Variants in GFRAL observed in about 807,000 individuals in gnomAD.
The protein encoded by GFRAL is GDNF family receptor alpha like.
GFRAL carries 36 observed loss-of-function variants against 45.4 expected under a neutral mutation model. The observed-to-expected ratio is 0.79, with a 90% CI of 0.61 to 1.05. GFRAL has a LOEUF of 1.05. GFRAL is among the 50% of genes least tolerant of loss of function. GFRAL has a pLI of 0.00. For missense variants in GFRAL, 507 were observed against 467.5 expected, an observed-to-expected ratio of 1.08 and a Z score of -0.78; for synonymous variants, 166 against 154.1, an observed-to-expected ratio of 1.08 and a Z score of -0.57.
rs1768911812 is a variant in GFRAL, at chr6:55,402,347, GA to G, written c.*498del. 6.6e-6 allele frequency: 1 copy of G among 152,052 alleles called. No individual in the cohort carries two copies. The highest frequency in any genetic ancestry group is 2.4e-5 in the African/African-American group (1 of 41,388). The allele number at this position is 152,052 out of a possible 1,614,324, so 9.4% of individuals were successfully genotyped here. A position where few individuals can be genotyped will look rare whatever the true frequency, so the allele number is the denominator to read the frequency against. On this transcript the variant is annotated 3_prime_UTR_variant, in exon 9 of 9. Transcript: ENST00000340465. Reference sequence around the variant, plus strand: ...CCCTATTCCATCTGTCATCGAGAAAGAAAATGTTAAAATAGACTTAAAAATA... The same window carrying G: ...CCCTATTCCATCTGTCATCGAGAAAGAAATGTTAAAATAGACTTAAAAATA...
At chr6:55,399,663 C>T (rs6913781) in intron 8 of GFRAL, among the ~76,000 whole-genome samples, 103,389 of 151,950 alleles carry the variant, frequency 0.68, 35,626 homozygotes, top group East Asian at 0.78. Context: ...TGTTGCATTT[C>T]ATAAGCACAT....
At chr6:55,399,511 A>C (rs910404867) in intron 8 of GFRAL, 70 bp downstream of exon 8, 2 of 990,438 alleles carry the variant, frequency 2.0e-6, no homozygotes, top group Non-Finnish European at 3.2e-6. Flanking sequence ...CATGTTGCAC[A>C]ATGGCTGAGC....
At chr6:55,372,221 T>C (rs1344600510) in intron 6 of GFRAL, among the ~76,000 whole-genome samples, 1 of 152,172 alleles carries the variant, frequency 6.6e-6, no homozygotes, top group Non-Finnish European at 1.5e-5. Flanking sequence ...GGCTAATTAA[T>C]ATTTGTGTTT....
intron 5 of GFRAL, among the ~76,000 whole-genome samples, chr6:55,358,409 A>G (rs76176483): frequency 0.027 from 4,031 of 152,082 alleles, 88 homozygotes; most frequent in Admixed American, 0.044. Context: ...AACATATTGT[A>G]AATTCTAATT....
At chr6:55,351,672 T>C in intron 5 of GFRAL, 89 bp downstream of exon 5, 2 of 882,176 alleles carry the variant, frequency 2.3e-6, no homozygotes, top group South Asian at 3.6e-5. Flanking sequence ...TAACATTAGC[T>C]AGAGTTCCCA....
At chr6:55,359,472 A>G (rs1350373024) in intron 6 of GFRAL, among the ~76,000 whole-genome samples, 1 of 152,042 alleles carries the variant, frequency 6.6e-6, no homozygotes, top group African/African-American at 2.4e-5. Context: ...ATAAGTATCT[A>G]TACTAAGTAA....
chr6:55,388,317 C>G (rs1447758137), intron 6 of GFRAL, among the ~76,000 whole-genome samples: 1 of 152,140 alleles, frequency 6.6e-6, no homozygotes, highest in Non-Finnish European at 1.5e-5. Context: ...CGATCTGAAA[C>G]AAGAAAAGCC....
chr6:55,378,278 G>A (rs1237261139), intron 6 of GFRAL, among the ~76,000 whole-genome samples: 1 of 152,020 alleles, frequency 6.6e-6, no homozygotes, highest in Admixed American at 6.6e-5. Flanking sequence ...GGGGAAGGAA[G>A]GCAAATTCAT....
chr6:55,363,568 C>A (rs1768308910), intron 6 of GFRAL, among the ~76,000 whole-genome samples: 1 of 101,612 alleles, frequency 9.8e-6, no homozygotes, highest in Non-Finnish European at 2.0e-5. Flanking sequence ...GGTATATCTC[C>A]CGATGCTATC....
At chr6:55,375,383 C>T (rs1768509894) in intron 6 of GFRAL, among the ~76,000 whole-genome samples, 1 of 152,074 alleles carries the variant, frequency 6.6e-6, no homozygotes, top group Admixed American at 6.6e-5. Flanking sequence ...CTTTTTGTAG[C>T]AGTTGTAAAT....
chr6:55,398,888 T>C (rs1768860238), intron 6 of GFRAL, among the ~76,000 whole-genome samples: 1 of 152,188 alleles, frequency 6.6e-6, no homozygotes, highest in African/African-American at 2.4e-5. Context: ...AACCATCTTT[T>C]ATTTTTCTTG....
chr6:55,366,546 T>G (rs952521320), intron 6 of GFRAL, among the ~76,000 whole-genome samples: 8 of 144,060 alleles, frequency 5.6e-5, no homozygotes, highest in African/African-American at 2.2e-4. Flanking sequence ...GTGTCAGTTT[T>G]GGATCTTTCC....
At chr6:55,342,112 C>A (rs528105315) in intron 3 of GFRAL, among the ~76,000 whole-genome samples, 9 of 152,246 alleles carry the variant, frequency 5.9e-5, no homozygotes, top group African/African-American at 1.9e-4. Flanking sequence ...AGGATACTAT[C>A]CAGGAGAACT....
At chr6:55,359,418 C>A (rs1768243550) in intron 6 of GFRAL, among the ~76,000 whole-genome samples, 2 of 151,982 alleles carry the variant, frequency 1.3e-5, no homozygotes, top group Non-Finnish European at 2.9e-5. Context: ...TTTATTCTAT[C>A]AGATAAATGG....
At chr6:55,346,630 A>G (rs144383183) in intron 3 of GFRAL, among the ~76,000 whole-genome samples, 1,989 of 152,224 alleles carry the variant, frequency 0.013, 23 homozygotes, top group Non-Finnish European at 0.022. Context: ...AACATGGCGC[A>G]TGTATACATA....
intron 6 of GFRAL, among the ~76,000 whole-genome samples, chr6:55,370,064 CA>C (rs1254170820): frequency 6.6e-6 from 1 of 152,070 alleles, no homozygotes; most frequent in African/African-American, 2.4e-5. Context: ...TTTGAATATT[CA>C]ACCATTCTTC....
At position 55,344,249 on chromosome 6, in the gene GFRAL, A is replaced by T. The variant is rs575020553; in HGVS notation, c.317-5843A>T. Among the ~76,000 whole-genome samples the T allele has an allele frequency of 1.0e-3, 153 of 152,352 alleles. 1 individual carries two copies. Among genetic ancestry groups the T allele is most frequent in the African/African-American group, 3.6e-3 (148 of 41,576 alleles). ...AGACACAACAAAAAAAGAGAATTTT[A>T]GACCAATATCCCTGATGAACATTGA... On this transcript the variant is annotated intron_variant, in intron 3 of 8. Coordinates refer to ENST00000340465, the MANE Select transcript of GFRAL (RefSeq NM_207410.2).
chr6:55,355,013 T>G (rs987613565), intron 5 of GFRAL, among the ~76,000 whole-genome samples: 1 of 151,970 alleles, frequency 6.6e-6, no homozygotes, highest in Non-Finnish European at 1.5e-5. Context: ...CATTATATTT[T>G]TATATATTAA....
At chr6:55,342,478 A>T (rs2127352486) in intron 3 of GFRAL, among the ~76,000 whole-genome samples, 1 of 152,254 alleles carries the variant, frequency 6.6e-6, no homozygotes, top group South Asian at 2.1e-4. Context: ...AAATGCTGAG[A>T]GATTTTGTCA....
Sources: allele counts gnomAD v4.1 joint callset (sites outside exome capture counted in the v4.1 genomes callset), GRCh38; gene constraint gnomAD v4.1.1; transcripts MANE v1.5; gene names NCBI Gene and HGNC (gene_info 2026-07-23, HGNC 2026-07-21).